LMO2: variants seen among roughly 807,000 people sequenced by gnomAD.
LMO2 encodes the protein rhombotin-2.
In LMO2, 20 loss-of-function variants were observed where a neutral mutation model predicts 23.2. The observed-to-expected ratio is 0.86, with a 90% confidence interval of 0.61 to 1.25. The LOEUF (loss-of-function observed/expected upper bound fraction) is 1.25, where lower values mean the gene tolerates loss of function less well. Ranked by LOEUF, LMO2 falls within the 50% of genes most tolerant of loss-of-function variation. LMO2 has a pLI of 0.00. For synonymous variants in LMO2, 123 were observed against 130.2 expected (o/e 0.94, Z 0.38); for missense variants, 270 against 315.3 (o/e 0.86, Z 1.09).
rs1203063084 is a variant in LMO2 at position 33,864,839 on chromosome 11, A to G, written c.249-22T>C. ...TTCCCTGGAGAGAAGGCCAAGCATC[A>G]GGGACAGCCTCACCAGAGTGAGACC... On this transcript the variant is annotated intron_variant, in intron 4 of 5. Transcript: ENST00000257818. This position sits in a 1 kb window ranked among gnomAD's most constrained non-coding sequence, Gnocchi z 4.8. 6.2e-7 allele frequency: 1 copy of G among 1,607,280 alleles called. No homozygotes were observed. Among genetic ancestry groups the G allele is most frequent in the Non-Finnish European group, 8.5e-7 (1 of 1,175,724 alleles).
At chr11:33,884,660 G>A (rs936069525) in intron 1 of LMO2, among the ~76,000 whole-genome samples, 11 of 152,186 alleles carry the variant, frequency 7.2e-5, no homozygotes, top group Non-Finnish European at 1.5e-4. Context: ...GGCTACAGGG[G>A]ACATCCAAGT....
intron 4 of LMO2, among the ~76,000 whole-genome samples, chr11:33,865,726 G>A (rs1056021646): frequency 3.9e-5 from 6 of 152,210 alleles, no homozygotes; most frequent in African/African-American, 1.4e-4. Flanking sequence ...GCTGTGACAC[G>A]TGTTCTTTCG....
At chr11:33,860,208 G>A (rs1462990744) in intron 5 of LMO2, among the ~76,000 whole-genome samples, 6 of 152,168 alleles carry the variant, frequency 3.9e-5, no homozygotes, top group African/African-American at 1.4e-4. Context: ...TCTGAGATAT[G>A]GAGGACCAAC....
chr11:33,885,152 A>C (rs1363732590), intron 1 of LMO2, among the ~76,000 whole-genome samples: 1 of 152,098 alleles, frequency 6.6e-6, no homozygotes, highest in Non-Finnish European at 1.5e-5. Context: ...TGTGCAGGTG[A>C]GTTTAGGTAT....
Position 33,869,337 on chromosome 11 carries a change from C to A in LMO2, c.248+9G>T. The A allele has an allele frequency of 1.7e-6, 2 of 1,188,402 alleles. No individual in the cohort carries two copies. Among genetic ancestry groups the A allele is most frequent in the African/African-American group, 1.6e-5 (1 of 62,290 alleles). The allele number at this position is 1,188,402 out of a possible 1,614,324, so 73.6% of individuals were successfully genotyped here. A position where few individuals can be genotyped will look rare whatever the true frequency, so the allele number is the denominator to read the frequency against. On this transcript the variant is annotated intron_variant, in intron 4 of 5. Coordinates refer to ENST00000257818, the MANE Select transcript of LMO2 (RefSeq NM_005574.4). The stretch of plus-strand genomic sequence containing the variant: ...CCGGGGGTGGCAGGGGCAGGGGGGC[C>A]GCACTTACTCTGAAGGGTCCAGGCT...
rs898739561 is a variant in LMO2 at position 33,880,361 on chromosome 11, C to G, written c.-272+1463G>C. On this transcript the variant is annotated intron_variant, in intron 2 of 5. Transcript: ENST00000257818. The surrounding 1 kb of genome is among the most constrained non-coding windows in gnomAD (Gnocchi z 4.3). ...TTCCACCTTAAAGAGAAAGGAAATT[C>G]TGACATAAGCTACAACATGAAAGAA... Among the ~76,000 whole-genome samples, 4 of 151,080 alleles carry G rather than the reference C, an allele frequency of 2.6e-5. No homozygotes were observed. The highest frequency in any genetic ancestry group is 9.7e-5 in the African/African-American group (4 of 41,066).
At chr11:33,874,597 G>A (rs1263766663) in intron 2 of LMO2, among the ~76,000 whole-genome samples, 1 of 152,246 alleles carries the variant, frequency 6.6e-6, no homozygotes, top group Non-Finnish European at 1.5e-5. Flanking sequence ...TCTTTCAGAA[G>A]TAATCACCAC....
chr11:33,882,210 T>C (rs1341229507), intron 1 of LMO2, among the ~76,000 whole-genome samples: 2 of 152,070 alleles, frequency 1.3e-5, no homozygotes, highest in African/African-American at 4.8e-5. Context: ...TGTGAAGGAG[T>C]TGTCCCTTTT....
At chr11:33,866,087 G>A (rs80349285) in intron 4 of LMO2, among the ~76,000 whole-genome samples, 3,748 of 152,236 alleles carry the variant, frequency 0.025, 89 homozygotes, top group Non-Finnish European at 0.037. Flanking sequence ...CTTACCAGGC[G>A]ACCTTGTGTC....
chr11:33,869,240 G>A, intron 4 of LMO2, 106 bp downstream of exon 4: 8 of 815,126 alleles, frequency 9.8e-6, no homozygotes, highest in Non-Finnish European at 1.1e-5. Context: ...GGCACGCCGC[G>A]AGCGCGCACC....
At position 33,865,062 on chromosome 11, in the gene LMO2, C is replaced by T. The variant is rs566404494; in HGVS notation, c.249-245G>A. 2.0e-5 allele frequency: 11 copies of T among 560,866 alleles called. 1 individual carries two copies. In the South Asian group the frequency reaches 2.2e-4, roughly 11 times the overall value. The allele number at this position is 560,866 out of a possible 1,614,324, so 34.7% of individuals were successfully genotyped here. ...GAAGTAAACACAGGGCACCAAGAGG[C>T]ATCAAAGGCAATTGCAGGTGGCACT... On this transcript the variant is annotated intron_variant, in intron 4 of 5. Transcript: ENST00000257818.
intron 2 of LMO2, among the ~76,000 whole-genome samples, chr11:33,879,094 CTA>C (rs941441791): frequency 7.9e-5 from 12 of 152,108 alleles, no homozygotes; most frequent in African/African-American, 2.9e-4. Context: ...AACCTGGTAA[CTA>C]TAACATTCTT....
At position 33,864,663 on chromosome 11, in the gene LMO2, C is replaced by T; in HGVS notation, c.403G>A (p.Glu135Lys). The T allele has an allele frequency of 6.2e-7, 1 of 1,613,974 alleles. No homozygotes were observed. Among genetic ancestry groups the T allele is most frequent in the East Asian group, 2.2e-5 (1 of 44,888 alleles). Residue 135 changes from glutamate to lysine, a missense_variant, in exon 5 of 6, where the codon GAG becomes AAG. Glu to Lys is a moderately conservative substitution (Grantham distance 56, BLOSUM62 1). Coordinates refer to ENST00000257818, the MANE Select transcript of LMO2 (RefSeq NM_005574.4). This position sits in a 1 kb window ranked among gnomAD's most constrained non-coding sequence, Gnocchi z 4.8. ...TTGTAGTAGAGGCGCCGCCCCACCTCACCCAGCCGGCAGCCACAGAGGTCG... is the reference window on the plus strand; with the variant it reads ...TTGTAGTAGAGGCGCCGCCCCACCTTACCCAGCCGGCAGCCACAGAGGTCG... ...SCDLCGCRLG[E>K]VGRRLYYKLG...
chr11:33,888,808 T>A (rs889212405), intron 1 of LMO2, among the ~76,000 whole-genome samples: 1 of 152,246 alleles, frequency 6.6e-6, no homozygotes, highest in African/African-American at 2.4e-5. Context: ...GACGTCTACG[T>A]ATCCGCAGTG....
intron 2 of LMO2, among the ~76,000 whole-genome samples, chr11:33,872,479 A>G (rs578261979): frequency 3.9e-5 from 6 of 152,348 alleles, no homozygotes; most frequent in African/African-American, 1.4e-4. Context: ...CAACTGGTAT[A>G]TAGTAAGCAC....
At chr11:33,866,562 G>C (rs531327901) in intron 4 of LMO2, among the ~76,000 whole-genome samples, 2 of 152,298 alleles carry the variant, frequency 1.3e-5, no homozygotes, top group African/African-American at 4.8e-5. Context: ...TCTGAGCCCA[G>C]GAAGTTGAGG....
At chr11:33,875,889 G>A (rs1243384490) in intron 2 of LMO2, among the ~76,000 whole-genome samples, 6 of 152,264 alleles carry the variant, frequency 3.9e-5, no homozygotes, top group East Asian at 3.9e-4. Flanking sequence ...CTGGGACCCC[G>A]GCACAGTATA....
At chr11:33,889,673 G>A (rs1857496675) in intron 1 of LMO2, among the ~76,000 whole-genome samples, 1 of 152,236 alleles carries the variant, frequency 6.6e-6, no homozygotes, top group South Asian at 2.1e-4. Context: ...GCGATGTGGA[G>A]AAAAGGAAAC....
At chr11:33,879,395 G>A (rs2133709742) in intron 2 of LMO2, among the ~76,000 whole-genome samples, 1 of 151,738 alleles carries the variant, frequency 6.6e-6, no homozygotes, top group South Asian at 2.1e-4. Flanking sequence ...TGAGGTGGGT[G>A]GATCACCTGC....
Sources: gnomAD v4.1 joint callset for allele counts (sites outside exome capture counted in the v4.1 genomes callset) on GRCh38, gnomAD v4.1.1 for gene constraint, Gnocchi (gnomAD v3.1) non-coding constraint, MANE v1.5 for transcripts, NCBI Gene and HGNC (gene_info 2026-07-23, HGNC 2026-07-21) for gene names.